Variants in CEP128 observed in about 807,000 individuals in gnomAD.
CEP128 encodes centrosomal protein 128.
Under a neutral mutation model 156.7 loss-of-function variants are expected in CEP128, and 132 were observed. The observed-to-expected ratio is 0.84, with a 90% CI of 0.73 to 0.97. The LOEUF (loss-of-function observed/expected upper bound fraction) is 0.97. Among genes scored for constraint, CEP128 ranks in the 50% least tolerant of loss-of-function variants. CEP128 has a pLI of 0.00. For synonymous variants in CEP128, 469 were observed against 448.9 expected (o/e 1.04, Z -0.57); for missense variants, 1,252 against 1,281.9 (o/e 0.98, Z 0.36).
intron 19 of CEP128, among the ~76,000 whole-genome samples, chr14:80,678,124 A>G (rs952770200): frequency 3.1e-4 from 47 of 150,934 alleles, no homozygotes; most frequent in Non-Finnish European, 6.0e-4. Context: ...AGAACTGCCC[A>G]TCTGTTATGC....
At chr14:80,537,039 A>G (rs933686268) in intron 21 of CEP128, among the ~76,000 whole-genome samples, 3 of 152,232 alleles carry the variant, frequency 2.0e-5, no homozygotes, top group African/African-American at 4.8e-5. Context: ...TTGTCTTCAT[A>G]TAACACTATT....
In CEP128 at chr14:80,890,472, T is replaced by C. The variant is rs1228170272; in HGVS notation, c.645+5246A>G. Among the ~76,000 whole-genome samples, 3 of 152,190 alleles carry C rather than the reference T, an allele frequency of 2.0e-5. No homozygotes were observed. The East Asian group carries it at 5.8e-4, about 29-fold the overall frequency. Reference sequence around the variant, plus strand: ...TTTAAAAAAATGAGTTCTTGTCCTTTGCAGGGACATGGATGAAGCTGGAAA... The same window carrying C: ...TTTAAAAAAATGAGTTCTTGTCCTTCGCAGGGACATGGATGAAGCTGGAAA... On this transcript the variant is annotated intron_variant, in intron 8 of 24. Coordinates refer to ENST00000555265, the MANE Select transcript of CEP128 (RefSeq NM_152446.5).
intron 21 of CEP128, among the ~76,000 whole-genome samples, chr14:80,546,114 A>T (rs1214459485): frequency 6.6e-6 from 1 of 152,220 alleles, no homozygotes; most frequent in Non-Finnish European, 1.5e-5. Flanking sequence ...AAATGTCCTG[A>T]TTAATGGGCC....
intron 16 of CEP128, among the ~76,000 whole-genome samples, chr14:80,775,340 A>G (rs920094680): frequency 3.3e-5 from 5 of 152,218 alleles, no homozygotes; most frequent in African/African-American, 1.2e-4. Flanking sequence ...TCAATCCAAC[A>G]AAATTTTGAT....
At chr14:80,821,594 CACACAT>C (rs1885176792) in intron 13 of CEP128, among the ~76,000 whole-genome samples, 1 of 56,654 alleles carries the variant, frequency 1.8e-5, no homozygotes, top group Admixed American at 2.5e-4. Context: ...CACACACATA[CACACAT>C]ACACACACAC....
chr14:80,539,088 C>A (rs1314074705), intron 21 of CEP128, among the ~76,000 whole-genome samples: 1 of 152,198 alleles, frequency 6.6e-6, no homozygotes, highest in Non-Finnish European at 1.5e-5. Context: ...CACATTTATT[C>A]AGTCTGCAAA....
At chr14:80,625,710 C>G (rs931853022) in intron 19 of CEP128, among the ~76,000 whole-genome samples, 3 of 151,408 alleles carry the variant, frequency 2.0e-5, no homozygotes, top group Admixed American at 6.6e-5. Flanking sequence ...TTTCTTCCGT[C>G]CTCTCCTTCC....
chr14:80,508,042 A>G (rs1202148731), intron 23 of CEP128, among the ~76,000 whole-genome samples: 1 of 152,104 alleles, frequency 6.6e-6, no homozygotes, highest in Non-Finnish European at 1.5e-5. Flanking sequence ...AGCCCCCGCT[A>G]GTAGCTGGGA....
At chr14:80,517,479 A>G (rs1172080643) in intron 23 of CEP128, among the ~76,000 whole-genome samples, 2 of 152,170 alleles carry the variant, frequency 1.3e-5, no homozygotes, top group Non-Finnish European at 2.9e-5. Flanking sequence ...TTCTTGACAT[A>G]TCCATGGATT....
intron 9 of CEP128, among the ~76,000 whole-genome samples, chr14:80,851,897 T>C (rs1008514280): frequency 1.2e-4 from 18 of 151,980 alleles, no homozygotes; most frequent in African/African-American, 4.3e-4. Flanking sequence ...TTTTAAATAA[T>C]TGACCAAGAA....
chr14:80,602,220 A>G (rs1892609517), intron 19 of CEP128, among the ~76,000 whole-genome samples: 1 of 152,200 alleles, frequency 6.6e-6, no homozygotes, highest in East Asian at 1.9e-4. Context: ...TTGAGGGTAA[A>G]GAATACAACA....
intron 21 of CEP128, among the ~76,000 whole-genome samples, chr14:80,545,269 T>C (rs1175437823): frequency 1.3e-5 from 2 of 152,086 alleles, no homozygotes; most frequent in Non-Finnish European, 1.5e-5. Flanking sequence ...ACATGCTGAA[T>C]GGAGAAATGA....
chr14:80,754,292 TTCTTTGCATGTTTGC>T (rs1166542159), intron 18 of CEP128, among the ~76,000 whole-genome samples: 1 of 152,164 alleles, frequency 6.6e-6, no homozygotes, highest in Admixed American at 6.5e-5. Flanking sequence ...TAGAACTTTG[TTCTTTGCATGTTTGC>T]TCTTTGCTCT....
intron 14 of CEP128, among the ~76,000 whole-genome samples, chr14:80,481,501 G>C (rs1401418657): frequency 6.6e-6 from 1 of 152,174 alleles, no homozygotes; most frequent in East Asian, 1.9e-4. Flanking sequence ...TTCAAAGATG[G>C]TTTGGTCTCT....
At chr14:80,914,571 A>T (rs1884439120) in intron 3 of CEP128, among the ~76,000 whole-genome samples, 163 bp from the exon 4 acceptor site, 2 of 152,228 alleles carry the variant, frequency 1.3e-5, no homozygotes, top group South Asian at 4.1e-4. Context: ...AGTAAATCTT[A>T]ACACCACTGA....
intron 4 of CEP128, among the ~76,000 whole-genome samples, chr14:80,907,282 AG>A (rs1883938625): frequency 6.6e-6 from 1 of 152,158 alleles, no homozygotes; most frequent in South Asian, 2.1e-4. Flanking sequence ...GAAAAAAAAA[AG>A]AGGGGTTTCC....
Position 80,743,202 on chromosome 14 carries a change from G to A in CEP128, c.2679C>T (p.His893=), listed in dbSNP as rs1241683094. 2 of 1,613,516 alleles carry A rather than the reference G, an allele frequency of 1.2e-6. No individual in the cohort carries two copies. Among genetic ancestry groups the A allele is most frequent in the African/African-American group, 1.3e-5 (1 of 74,854 alleles). The part of the protein sequence containing the change: ...ERENREKNLR[H]QLMLCRQQLR... ...GTTGTTGTCTGCAGAGCATCAGCTG[G>A]TGTCGCAGATTTTTCTCTCTGTTTT... The change falls in exon 19 of 25, where the codon CAC becomes CAT. Residue 893 remains histidine, a synonymous_variant. Transcript: ENST00000555265.
intron 13 of CEP128, among the ~76,000 whole-genome samples, chr14:80,802,691 A>T (rs1033787591): frequency 1.3e-5 from 2 of 152,182 alleles, no homozygotes; most frequent in Non-Finnish European, 2.9e-5. Context: ...AGAAAAAAAA[A>T]GAAAAGTAAG....
intron 21 of CEP128, among the ~76,000 whole-genome samples, chr14:80,537,688 A>G (rs1233891688): frequency 6.6e-6 from 1 of 152,192 alleles, no homozygotes; most frequent in East Asian, 1.9e-4. Context: ...AATTCTTTTT[A>G]AGTGATTGCA....
Sources: gnomAD v4.1 joint callset for allele counts (sites outside exome capture counted in the v4.1 genomes callset) on GRCh38, gnomAD v4.1.1 for gene constraint, MANE v1.5 for transcripts, NCBI Gene and HGNC (gene_info 2026-07-23, HGNC 2026-07-21) for gene names.